Variants in DOP1A observed in about 807,000 individuals in gnomAD.
DOP1A encodes DOP1 leucine zipper like protein A.
DOP1A carries 90 observed loss-of-function variants against 267.6 expected under a neutral mutation model. The ratio of observed to expected loss-of-function variants is 0.34; its 90% CI spans 0.28 to 0.40. DOP1A has a LOEUF of 0.40. Among genes scored for constraint, DOP1A ranks in the 10% least tolerant of loss-of-function variants. The pLI is 1.00. For synonymous variants in DOP1A, 932 were observed against 999.1 expected, an observed-to-expected ratio of 0.93 and a Z score of 1.27; for missense variants, 2,437 against 2,900.4, an observed-to-expected ratio of 0.84 and a Z score of 3.67.
intron 1 of DOP1A, among the ~76,000 whole-genome samples, chr6:83,091,205 A>G (rs1021467456): frequency 2.0e-5 from 3 of 151,880 alleles, no homozygotes; most frequent in Admixed American, 6.6e-5. Context: ...ACCTGCCCCC[A>G]TGATCCAGTT....
chr6:83,166,638 G>T, intron 38 of DOP1A: 1 of 1,023,438 alleles, frequency 9.8e-7, no homozygotes, highest in South Asian at 3.0e-5. Context: ...ATATAAAACG[G>T]CAAATTTCAA....
chr6:83,101,454 AC>A, intron 4 of DOP1A, among the ~76,000 whole-genome samples: 1 of 152,212 alleles, frequency 6.6e-6, no homozygotes, highest in Admixed American at 6.5e-5. Flanking sequence ...AGTACATTCT[AC>A]CTTTTTAAGC....
In DOP1A at chr6:83,141,973, G is replaced by C; in HGVS notation, c.5468G>C (p.Gly1823Ala). Residue 1823 changes from glycine to alanine, a missense_variant, in exon 24 of 39, where the codon GGT becomes GCT. Gly to Ala is a moderately conservative substitution (Grantham distance 60). Coordinates refer to ENST00000349129, the MANE Select transcript of DOP1A (RefSeq NM_015018.4). Reference sequence around the variant, plus strand: ...TTGGGCCCCATTTCAATGAATCATGGTGTTCACTTTATGGCTGCCATTGCA... The same window carrying C: ...TTGGGCCCCATTTCAATGAATCATGCTGTTCACTTTATGGCTGCCATTGCA... ...ELLGPISMNH[G>A]VHFMAAIAFV... 1 of 1,612,686 alleles carries C rather than the reference G, an allele frequency of 6.2e-7. No homozygotes were observed.
intron 34 of DOP1A, among the ~76,000 whole-genome samples, chr6:83,156,521 T>G (rs989766490): frequency 6.6e-6 from 1 of 152,206 alleles, no homozygotes; most frequent in Admixed American, 6.5e-5. Flanking sequence ...CATGGGGGAT[T>G]ATGTAACATT....
In DOP1A at chr6:83,138,851, T is replaced by C; in HGVS notation, c.4809T>C (p.Asn1603=). 2 of 1,614,030 alleles carry C rather than the reference T, an allele frequency of 1.2e-6. No homozygotes were observed. The highest frequency in any genetic ancestry group is 1.7e-6 in the Non-Finnish European group (2 of 1,179,930). The change falls in exon 21 of 39, where the codon AAT becomes AAC. Residue 1603 remains asparagine, a synonymous_variant. Transcript: ENST00000349129. ...EHRVMTIPEE[N]ETGFDFVVSD... ...GAGTAATGACTATTCCTGAAGAGAA[T>C]GAAACAGGTTTTGATTTTGTTGTAT...
At chr6:83,095,880 C>G (rs1771397773) in intron 1 of DOP1A, among the ~76,000 whole-genome samples, 1 of 152,134 alleles carries the variant, frequency 6.6e-6, no homozygotes, top group Admixed American at 6.5e-5. Flanking sequence ...GACCTGCCTT[C>G]TCCATAGGGC....
chr6:83,068,115 C>A (rs1784997310), intron 1 of DOP1A, among the ~76,000 whole-genome samples: 1 of 152,146 alleles, frequency 6.6e-6, no homozygotes. Context: ...TGGGGCGGAG[C>A]GGTGCGCAAG....
In DOP1A at chr6:83,122,053, G is replaced by T; in HGVS notation, c.1220+3G>T. Reference sequence around the variant, plus strand: ...AAGGATCATGCTCAGTTAAGCAGGTGGATTATCAAAAAATTAAATGTGACA... The same window carrying T: ...AAGGATCATGCTCAGTTAAGCAGGTTGATTATCAAAAAATTAAATGTGACA... On this transcript the variant is annotated splice_donor_region_variant and intron_variant, in intron 11 of 38. Transcript: ENST00000349129. 1 of 1,605,954 alleles carries T rather than the reference G, an allele frequency of 6.2e-7. No homozygotes were observed. Among genetic ancestry groups the T allele is most frequent in the East Asian group, 2.2e-5 (1 of 44,646 alleles).
In DOP1A at chr6:83,137,203, G is replaced by T; in HGVS notation, c.3161G>T (p.Gly1054Val). 1 of 1,576,526 alleles carries T rather than the reference G, an allele frequency of 6.3e-7. No individual in the cohort carries two copies. Among genetic ancestry groups the T allele is most frequent in the Non-Finnish European group, 8.6e-7 (1 of 1,160,640 alleles). The change falls in exon 21 of 39, where the codon GGA becomes GTA. Residue 1054 changes from glycine to valine, a missense_variant. Gly to Val is a moderately radical substitution (Grantham distance 109). Coordinates refer to ENST00000349129, the MANE Select transcript of DOP1A (RefSeq NM_015018.4). Reference sequence around the variant, plus strand: ...CAAGTACAACTCATCACATCAAAAGGAAATGGTGAAAAGCCACTTACCATG... The same window carrying T: ...CAAGTACAACTCATCACATCAAAAGTAAATGGTGAAAAGCCACTTACCATG... ...VSQVQLITSK[G>V]NGEKPLTMDE...
downstream of DOP1A, chr6:83,169,931 T>G: frequency 2.6e-6 from 1 of 390,580 alleles, no homozygotes. Flanking sequence ...ATCAGTTGAC[T>G]TAGAAATGAA....
At chr6:83,125,442 A>G in intron 14 of DOP1A, 58 bp from the exon 15 acceptor site, 1 of 1,500,006 alleles carries the variant, frequency 6.7e-7, no homozygotes, top group Non-Finnish European at 9.2e-7. Flanking sequence ...TAGATTAAAA[A>G]ATGTAACTTT....
intron 1 of DOP1A, among the ~76,000 whole-genome samples, chr6:83,071,055 T>C (rs764020135): frequency 2.6e-5 from 4 of 152,262 alleles, no homozygotes; most frequent in African/African-American, 4.8e-5. Flanking sequence ...CCTTAATTTC[T>C]AACTAGAAAC....
intron 31 of DOP1A, 90 bp from the exon 32 acceptor site, chr6:83,153,804 T>C: frequency 7.4e-7 from 1 of 1,344,756 alleles, no homozygotes; most frequent in Non-Finnish European, 1.0e-6. Context: ...TTCATGTCAC[T>C]GTCTTAGGTA....
At chr6:83,091,973 T>C (rs1358075308) in intron 1 of DOP1A, among the ~76,000 whole-genome samples, 1 of 152,244 alleles carries the variant, frequency 6.6e-6, no homozygotes, top group Non-Finnish European at 1.5e-5. Flanking sequence ...GCTATCCTTC[T>C]GATTTCTGAG....
intron 10 of DOP1A, among the ~76,000 whole-genome samples, chr6:83,121,178 G>A (rs952644987): frequency 1.3e-5 from 2 of 151,634 alleles, no homozygotes; most frequent in Admixed American, 1.3e-4. Flanking sequence ...TATTTTGCAT[G>A]TTCTCTCTTT....
At chr6:83,096,871 T>C in intron 2 of DOP1A, 48 bp downstream of exon 2, 2 of 1,327,054 alleles carry the variant, frequency 1.5e-6, no homozygotes, top group Non-Finnish European at 2.1e-6. Flanking sequence ...TAAGATCATA[T>C]GAACCCGTTT....
chr6:83,156,153 T>A (rs778997324), intron 34 of DOP1A, 50 bp downstream of exon 34: 1 of 1,491,394 alleles, frequency 6.7e-7, no homozygotes. Context: ...GGTTTTTGGT[T>A]CCTTAGAAAA....
intron 36 of DOP1A, 55 bp from the exon 37 acceptor site, chr6:83,159,741 G>C: frequency 6.3e-7 from 1 of 1,597,726 alleles, no homozygotes; most frequent in Non-Finnish European, 8.6e-7. Context: ...ATCTTTCCAG[G>C]AATTCCTGTG....
intron 38 of DOP1A, chr6:83,166,273 T>C (rs1257080756): frequency 1.7e-6 from 1 of 574,016 alleles, no homozygotes; most frequent in Non-Finnish European, 3.1e-6. Flanking sequence ...CTTATAGTTG[T>C]AAGAGGATCA....
Sources: allele counts gnomAD v4.1 joint callset (sites outside exome capture counted in the v4.1 genomes callset), GRCh38; gene constraint gnomAD v4.1.1; transcripts MANE v1.5; gene names NCBI Gene and HGNC (gene_info 2026-07-23, HGNC 2026-07-21).